Variants in IPPK observed in about 807,000 individuals in gnomAD.
IPPK encodes inositol-pentakisphosphate 2-kinase.
A neutral mutation model predicts 64.6 loss-of-function variants in IPPK; 22 were observed. That is an observed-to-expected ratio of 0.34 (90% CI 0.24 to 0.49). IPPK has a LOEUF of 0.49. Ranked by LOEUF, IPPK falls within the 20% of genes least tolerant of loss-of-function variation. IPPK has a pLI of 0.99. For synonymous variants in IPPK, 262 were observed against 247.2 expected, an observed-to-expected ratio of 1.06 and a Z score of -0.56; for missense variants, 532 against 630.7, an observed-to-expected ratio of 0.84 and a Z score of 1.68.
At chr9:92,667,413 G>A (rs958211147) in intron 1 of IPPK, among the ~76,000 whole-genome samples, 2 of 152,126 alleles carry the variant, frequency 1.3e-5, no homozygotes, top group African/African-American at 2.4e-5. Flanking sequence ...TCTCCTCCTC[G>A]GTCCACAGCC....
At chr9:92,664,888 C>G (rs138642800) in intron 1 of IPPK, among the ~76,000 whole-genome samples, 171 of 152,302 alleles carry the variant, frequency 1.1e-3, no homozygotes, top group African/African-American at 3.8e-3. Flanking sequence ...GAAGGAGGCT[C>G]AGTCAGGCAG....
intron 7 of IPPK, among the ~76,000 whole-genome samples, chr9:92,641,042 C>T (rs1852036332): frequency 6.6e-6 from 1 of 152,222 alleles, no homozygotes; most frequent in South Asian, 2.1e-4. Flanking sequence ...TGACCCCAGA[C>T]TTTCGGGAGA....
At chr9:92,639,935 G>GACGCCAGCCATGTGCAGCAGC (rs1852014380) in intron 8 of IPPK, among the ~76,000 whole-genome samples, 1 of 152,162 alleles carries the variant, frequency 6.6e-6, no homozygotes, top group Admixed American at 6.5e-5. Flanking sequence ...CGGGCAGCAG[G>GACGCCAGCCATGTGCAGCAGC]ACGCCAGCCA....
chr9:92,619,765 G>A, intron 11 of IPPK, 200 bp from the exon 12 acceptor site: 1 of 596,386 alleles, frequency 1.7e-6, no homozygotes, highest in East Asian at 2.8e-5. Context: ...CAGTGCCACG[G>A]GGCTGCTCAG....
intron 11 of IPPK, among the ~76,000 whole-genome samples, chr9:92,629,170 A>C (rs1587623501): frequency 7.1e-6 from 1 of 140,504 alleles, no homozygotes; most frequent in Non-Finnish European, 1.6e-5. Context: ...ACACCTAACT[A>C]TAAGAGCTAA....
chr9:92,652,265 C>T (rs1252451230), intron 4 of IPPK, among the ~76,000 whole-genome samples: 5 of 151,894 alleles, frequency 3.3e-5, no homozygotes, highest in African/African-American at 7.2e-5. Flanking sequence ...CTGGCTAACA[C>T]GGTGAAACCC....
intron 11 of IPPK, among the ~76,000 whole-genome samples, chr9:92,632,911 G>A (rs1851871150): frequency 6.6e-6 from 1 of 152,252 alleles, no homozygotes; most frequent in African/African-American, 2.4e-5. Context: ...CACATGTGGG[G>A]AGGAGCGCCA....
chr9:92,655,867 C>G (rs906797536), intron 3 of IPPK, among the ~76,000 whole-genome samples: 4 of 152,058 alleles, frequency 2.6e-5, no homozygotes, highest in Admixed American at 6.5e-5. Context: ...AGGGTGGGAC[C>G]CAGGGGCCTG....
intron 4 of IPPK, among the ~76,000 whole-genome samples, chr9:92,650,441 CCGA>C (rs1852243292): frequency 6.6e-6 from 1 of 152,156 alleles, no homozygotes; most frequent in African/African-American, 2.4e-5. Context: ...GTCAGCCACA[CCGA>C]TGGTCAGCCA....
In IPPK at chr9:92,642,761, A is replaced by G; in HGVS notation, c.554T>C (p.Leu185Pro). ...AGAAGTGTTCTCTTACCCTGAGTAGAGATCAAGGGGACAGTATTTGCTGAT... is the reference window on the plus strand; with the variant it reads ...AGAAGTGTTCTCTTACCCTGAGTAGGGATCAAGGGGACAGTATTTGCTGAT... ...KQISKYCPLDLYSGNKQRMHF... is the reference protein window; with the variant it reads ...KQISKYCPLDPYSGNKQRMHF... The change falls in exon 7 of 13, where the codon CTC (leucine) becomes CCC (proline). Residue 185 changes from leucine to proline, a missense_variant. Leu to Pro is a moderately conservative substitution (Grantham distance 98). Coordinates refer to ENST00000287996, the MANE Select transcript of IPPK (RefSeq NM_022755.6). 1 of 1,613,916 alleles carries G rather than the reference A, an allele frequency of 6.2e-7. No individual in the cohort carries two copies. The highest frequency in any genetic ancestry group is 8.5e-7 in the Non-Finnish European group (1 of 1,179,774).
At chr9:92,634,203 T>G (rs1851895724) in intron 11 of IPPK, among the ~76,000 whole-genome samples, 183 bp downstream of exon 11, 1 of 152,116 alleles carries the variant, frequency 6.6e-6, no homozygotes, top group South Asian at 2.1e-4. Flanking sequence ...CCTTAAAACC[T>G]CAATGCACCA....
rs1851403072 is a variant in IPPK at position 92,615,481 on chromosome 9, A to G, written c.*351T>C. 1 of 219,676 alleles carries G rather than the reference A, an allele frequency of 4.6e-6. No homozygotes were observed. Among genetic ancestry groups the G allele is most frequent in the Non-Finnish European group, 9.0e-6 (1 of 110,632 alleles). 13.6% of individuals were successfully genotyped at this position (219,676 alleles called of 1,614,324 possible). A position where few individuals can be genotyped will look rare whatever the true frequency, so the allele number is the denominator to read the frequency against. On this transcript the variant is annotated 3_prime_UTR_variant, in exon 13 of 13. Transcript: ENST00000287996. ...TTTTCTATGTTAGGAGTCTGGTGGT[A>G]GCAGATCCAAACCTTGGGTCTTAGA...
chr9:92,658,568 G>T, intron 2 of IPPK, 66 bp downstream of exon 2: 2 of 1,342,496 alleles, frequency 1.5e-6, no homozygotes, highest in South Asian at 2.4e-5. Context: ...TTTCTACATC[G>T]GAAAAAAAAA....
At chr9:92,637,461 G>A (rs545759238) in intron 9 of IPPK, among the ~76,000 whole-genome samples, 10 of 152,328 alleles carry the variant, frequency 6.6e-5, no homozygotes, top group South Asian at 2.1e-4. Flanking sequence ...CACGGGCAGC[G>A]TCAGCTCATG....
chr9:92,640,890 G>A (rs961976063), intron 7 of IPPK, 108 bp from the exon 8 acceptor site: 11 of 792,184 alleles, frequency 1.4e-5, no homozygotes, highest in South Asian at 4.2e-5. Flanking sequence ...CCCAGGGGCC[G>A]CTGGGAAACC....
chr9:92,626,570 G>A (rs1455725966), intron 11 of IPPK, among the ~76,000 whole-genome samples: 1 of 152,190 alleles, frequency 6.6e-6, no homozygotes, highest in Non-Finnish European at 1.5e-5. Context: ...GTTAAGATGT[G>A]TGGGAGATAA....
intron 12 of IPPK, chr9:92,619,212 G>T: frequency 2.5e-6 from 1 of 395,250 alleles, no homozygotes; most frequent in Non-Finnish European, 4.7e-6. Context: ...CATTGTTTCT[G>T]AGCTCTTGGG....
intron 9 of IPPK, among the ~76,000 whole-genome samples, chr9:92,637,123 C>A (rs1851957068): frequency 6.6e-6 from 1 of 152,112 alleles, no homozygotes; most frequent in Non-Finnish European, 1.5e-5. Context: ...GAGTTTGAGA[C>A]CAGCCTGGCC....
rs558077319 is a variant in IPPK at position 92,635,894 on chromosome 9, G to C, written c.917-586C>G. The stretch of plus-strand genomic sequence containing the variant: ...CACTGTCTGCAGAGTCCAGAGCCAT[G>C]AGCCCACACTGAGAGGCAGGTAAGA... On this transcript the variant is annotated intron_variant, in intron 9 of 12. Coordinates refer to ENST00000287996, the MANE Select transcript of IPPK (RefSeq NM_022755.6). This position sits in a 1 kb window ranked among gnomAD's most constrained non-coding sequence, Gnocchi z 4.4. Among the ~76,000 whole-genome samples, 33 of 152,224 alleles carry C rather than the reference G, an allele frequency of 2.2e-4. No individual in the cohort carries two copies. The highest frequency in any genetic ancestry group is 7.2e-4 in the African/African-American group (30 of 41,542).
Sources: gnomAD v4.1 joint callset for allele counts (sites outside exome capture counted in the v4.1 genomes callset) on GRCh38, gnomAD v4.1.1 for gene constraint, Gnocchi (gnomAD v3.1) non-coding constraint, MANE v1.5 for transcripts, NCBI Gene and HGNC (gene_info 2026-07-23, HGNC 2026-07-21) for gene names.